Variants in EPS8L2 observed in about 807,000 individuals in gnomAD.
EPS8L2 encodes EPS8 signaling adaptor L2.
In EPS8L2, 81 loss-of-function variants were observed where a neutral mutation model predicts 99.4. The ratio of observed to expected loss-of-function variants is 0.82; its 90% CI spans 0.68 to 0.98. The LOEUF is 0.98. Ranked by LOEUF, EPS8L2 falls within the 50% of genes least tolerant of loss-of-function variation. The pLI is 0.00. For synonymous variants in EPS8L2, 509 were observed against 407.3 expected, an observed-to-expected ratio of 1.25 and a Z score of -3.01; for missense variants, 1,155 against 968.8, an observed-to-expected ratio of 1.19 and a Z score of -2.55.
rs12796837 is a variant in EPS8L2, at chr11:726,193, G to A, written c.1753+23G>A. 147,521 of 1,595,580 alleles carry A rather than the reference G, an allele frequency of 0.092. 8,033 individuals carry two copies. The highest frequency in any genetic ancestry group is 0.24 in the African/African-American group (17,891 of 74,566). ...ACGGTGAGAGCTGCTGCTTCGAGGC[G>A]GGGGTCCCGGGCCCAGGGCCACCTG... On this transcript the variant is annotated intron_variant, in intron 18 of 20. Transcript: ENST00000318562.
In EPS8L2 at chr11:720,589, AC is replaced by A. The variant is rs1730142885; in HGVS notation, c.328-5del. 2 of 1,596,728 alleles carry A rather than the reference AC, an allele frequency of 1.3e-6. No individual in the cohort carries two copies. Among genetic ancestry groups the A allele is most frequent in the South Asian group, 1.1e-5 (1 of 88,180 alleles). ...GGTGCGAGTCGTGTCCGCGCGATGT[AC>A]CCGCAGGAGGAGCTGGAAGACTTCC... On this transcript the variant is annotated splice_region_variant and splice_polypyrimidine_tract_variant and intron_variant, in intron 5 of 20. Coordinates refer to ENST00000318562, the MANE Select transcript of EPS8L2 (RefSeq NM_022772.4).
At chr11:720,268 G>A (rs780352528) in intron 5 of EPS8L2, 45 bp downstream of exon 5, 8 of 1,593,132 alleles carry the variant, frequency 5.0e-6, no homozygotes, top group East Asian at 4.5e-5. Flanking sequence ...GTGGGTAGAG[G>A]CGGTGGCAGC....
chr11:727,044 T>C lies in EPS8L2; in HGVS notation c.*63T>C. The C allele has an allele frequency of 8.1e-6, 9 of 1,112,688 alleles. No individual in the cohort carries two copies. Among genetic ancestry groups the C allele is most frequent in the Non-Finnish European group, 1.2e-5 (9 of 745,446 alleles). The allele number at this position is 1,112,688 out of a possible 1,614,324, so 68.9% of individuals were successfully genotyped here. A position where few individuals can be genotyped will look rare whatever the true frequency, so the allele number is the denominator to read the frequency against. ...CCCACCCACAATGCATGGAGTATTA[T>C]TTTTATATGTGTATGTATTTTGTAT... On this transcript the variant is annotated 3_prime_UTR_variant, in exon 21 of 21. Coordinates refer to ENST00000318562, the MANE Select transcript of EPS8L2 (RefSeq NM_022772.4).
intron 19 of EPS8L2, 29 bp from the exon 20 acceptor site, chr11:726,590 G>T: frequency 6.5e-7 from 1 of 1,534,836 alleles, no homozygotes; most frequent in South Asian, 1.2e-5. Context: ...CTCACAGCGC[G>T]GCCCTGACGC....
intron 4 of EPS8L2, among the ~76,000 whole-genome samples, chr11:719,802 G>A (rs1862108695): frequency 6.6e-6 from 1 of 152,196 alleles, no homozygotes; most frequent in South Asian, 2.1e-4. Context: ...CCAGGAGGTG[G>A]GCGGGTGAGG....
chr11:708,431 AC>A (rs1861789423), intron 1 of EPS8L2: 1 of 152,264 alleles, frequency 6.6e-6, no homozygotes, highest in African/African-American at 2.4e-5. Flanking sequence ...GAGCCCAGAG[AC>A]AGGCTCTGAG....
intron 5 of EPS8L2, 138 bp from the exon 6 acceptor site, chr11:720,459 C>T: frequency 7.2e-7 from 1 of 1,381,100 alleles, no homozygotes; most frequent in South Asian, 1.3e-5. Flanking sequence ...TGTCCCGGGC[C>T]TAGTCCTCAT....
Position 726,375 on chromosome 11 carries a change from C to A in EPS8L2, c.1825C>A (p.Gln609Lys). Reference sequence around the variant, plus strand: ...AATCAGCAACATCAGGGCGCAGCCACAGAGGCACTTCCGCGTGGAGCGCAG... The same window carrying A: ...AATCAGCAACATCAGGGCGCAGCCAAAGAGGCACTTCCGCGTGGAGCGCAG... ...RKISNIRAQP[Q>K]RHFRVERSQP... Residue 609 changes from glutamine (Q) to lysine (K), a missense_variant, in exon 19 of 21, where the codon CAG becomes AAG. Gln to Lys is a moderately conservative substitution (Grantham distance 53, BLOSUM62 1). Coordinates refer to ENST00000318562, the MANE Select transcript of EPS8L2 (RefSeq NM_022772.4). 1 of 1,610,754 alleles carries A rather than the reference C, an allele frequency of 6.2e-7. No individual in the cohort carries two copies. The highest frequency in any genetic ancestry group is 8.5e-7 in the Non-Finnish European group (1 of 1,179,194).
In EPS8L2 at chr11:722,088, C is replaced by A; in HGVS notation, c.985-3C>A. On this transcript the variant is annotated splice_region_variant and splice_polypyrimidine_tract_variant and intron_variant, in intron 11 of 20. Coordinates refer to ENST00000318562, the MANE Select transcript of EPS8L2 (RefSeq NM_022772.4). ...GCACCTGCTCACTTGTTCCCACCCCCAGGCAAAGCTGCAGAAGCACATCCA... is the reference window on the plus strand; with the variant it reads ...GCACCTGCTCACTTGTTCCCACCCCAAGGCAAAGCTGCAGAAGCACATCCA... 1 of 1,613,108 alleles carries A rather than the reference C, an allele frequency of 6.2e-7. No homozygotes were observed. Among genetic ancestry groups the A allele is most frequent in the Non-Finnish European group, 8.5e-7 (1 of 1,179,898 alleles).
At chr11:707,894 G>A (rs1477623186) in intron 1 of EPS8L2, among the ~76,000 whole-genome samples, 1 of 152,154 alleles carries the variant, frequency 6.6e-6, no homozygotes, top group African/African-American at 2.4e-5. Flanking sequence ...GAGCCCGCCA[G>A]GAATCCCATT....
intron 4 of EPS8L2, among the ~76,000 whole-genome samples, chr11:715,233 C>T (rs1207503891): frequency 6.8e-6 from 1 of 147,516 alleles, no homozygotes; most frequent in African/African-American, 2.6e-5. Context: ...CAGAGTGAGA[C>T]TCTGTCTCAA....
In EPS8L2 at chr11:726,103, T is replaced by C. The variant is rs765096089; in HGVS notation, c.1686T>C (p.Gly562=). Reference sequence around the variant, plus strand: ...ATCGCCCCCCGCCCCCGCAGGCCGGTCAGAAGTACTGGGGCCCCGCCAGCC... The same window carrying C: ...ATCGCCCCCCGCCCCCGCAGGCCGGCCAGAAGTACTGGGGCCCCGCCAGCC... ...EDAGAPFEQA[G]QKYWGPASPT... is the part of the protein sequence containing the mutation. Residue 562 remains glycine (G), a synonymous_variant, in exon 18 of 21, where the codon GGT becomes GGC. Transcript: ENST00000318562. 5 of 1,591,324 alleles carry C rather than the reference T, an allele frequency of 3.1e-6. No homozygotes were observed. Among genetic ancestry groups the C allele is most frequent in the Non-Finnish European group, 4.3e-6 (5 of 1,167,032 alleles).
Position 724,706 on chromosome 11 carries a change from C to T in EPS8L2, c.1455-18C>T. On this transcript the variant is annotated intron_variant, in intron 15 of 20. Coordinates refer to ENST00000318562, the MANE Select transcript of EPS8L2 (RefSeq NM_022772.4). This position sits in a 1 kb window ranked among gnomAD's most constrained non-coding sequence, Gnocchi z 5.5. Reference sequence around the variant, plus strand: ...GACCCCCACCAGACTGGGCCTCAGCCCCTCCTGTTCCTCACAGGGGCTACC... The same window carrying T: ...GACCCCCACCAGACTGGGCCTCAGCTCCTCCTGTTCCTCACAGGGGCTACC... 2.5e-6 allele frequency: 4 copies of T among 1,595,836 alleles called. No homozygotes were observed. The highest frequency in any genetic ancestry group is 3.4e-6 in the Non-Finnish European group (4 of 1,164,380).
Position 720,818 on chromosome 11 carries a change from C to T in EPS8L2, c.478-12C>T, listed in dbSNP as rs1862138105. The T allele has an allele frequency of 6.5e-7, 1 of 1,543,202 alleles. No individual in the cohort carries two copies. The highest frequency in any genetic ancestry group is 1.4e-5 in the African/African-American group (1 of 72,766). Reference sequence around the variant, plus strand: ...CCCCGCCCTCCTGGCCGCCTGACGCCCGCTTTCCCAGGCAGAGCTGGTGCA... The same window carrying T: ...CCCCGCCCTCCTGGCCGCCTGACGCTCGCTTTCCCAGGCAGAGCTGGTGCA... On this transcript the variant is annotated splice_polypyrimidine_tract_variant and intron_variant, in intron 6 of 20. Coordinates refer to ENST00000318562, the MANE Select transcript of EPS8L2 (RefSeq NM_022772.4).
Position 720,699 on chromosome 11 carries a change from G to C in EPS8L2, c.430G>C (p.Glu144Gln). 1 of 1,597,654 alleles carries C rather than the reference G, an allele frequency of 6.3e-7. No homozygotes were observed. ...GCTGCTGCTCGTGTGCCAGGACTCGGAGCAGAGCAAGCCGGATGTCCACTT... is the reference window on the plus strand; with the variant it reads ...GCTGCTGCTCGTGTGCCAGGACTCGCAGCAGAGCAAGCCGGATGTCCACTT... ...SVLLLVCQDS[E>Q]QSKPDVHFFH... Residue 144 changes from glutamate (E) to glutamine (Q), a missense_variant, in exon 6 of 21, where the codon GAG becomes CAG. Physicochemically the swap from Glu to Gln is conservative, Grantham distance 29. Transcript: ENST00000318562.
At position 721,163 on chromosome 11, in the gene EPS8L2, G is replaced by A. The variant is rs1335275956; in HGVS notation, c.657G>A (p.Glu219=). 9 of 1,535,908 alleles carry A rather than the reference G, an allele frequency of 5.9e-6. No homozygotes were observed. The East Asian group carries it at 9.8e-5, about 17-fold the overall frequency. The change falls in exon 8 of 21, where the codon GAG becomes GAA. Residue 219 remains glutamate, a synonymous_variant. Transcript: ENST00000318562. The part of the protein sequence containing the change: ...PFQHRGGDSP[E]AKNRVGPQVP... The stretch of plus-strand genomic sequence containing the variant: ...AGCACCGCGGCGGGGATTCCCCGGA[G>A]GCCAAGAATCGCGTGGGCCCGCAGG...
intron 4 of EPS8L2, among the ~76,000 whole-genome samples, chr11:716,488 C>T (rs1428914436): frequency 6.6e-6 from 1 of 152,080 alleles, no homozygotes; most frequent in African/African-American, 2.4e-5. Flanking sequence ...AACTCCTGAT[C>T]TCAAGTGATC....
At chr11:710,606 G>C (rs1458214645) in intron 4 of EPS8L2, 120 bp downstream of exon 4, 2 of 1,003,978 alleles carry the variant, frequency 2.0e-6, no homozygotes, top group African/African-American at 3.2e-5. Context: ...GTGCCGGCCT[G>C]TAGGCCCTGC....
chr11:713,294 GCCCCATCACTCCAAACCTGTGAAT>G (rs946019465), intron 4 of EPS8L2, among the ~76,000 whole-genome samples: 1 of 152,212 alleles, frequency 6.6e-6, no homozygotes, highest in African/African-American at 2.4e-5. Flanking sequence ...CGACCCATCA[GCCCCATCACTCCAAACCTGTGAAT>G]CCCCGACCTT....
Sources: allele counts gnomAD v4.1 joint callset (sites outside exome capture counted in the v4.1 genomes callset), GRCh38; gene constraint gnomAD v4.1.1; non-coding constraint Gnocchi (gnomAD v3.1); transcripts MANE v1.5; gene names NCBI Gene and HGNC (gene_info 2026-07-23, HGNC 2026-07-21).